Variants in LMBR1 observed in about 807,000 individuals in gnomAD.
LMBR1 encodes limb development membrane protein 1.
LMBR1 carries 52 observed loss-of-function variants against 73.9 expected under a neutral mutation model. The observed-to-expected ratio is 0.70, with a 90% CI of 0.56 to 0.89. The LOEUF is 0.89. Among genes scored for constraint, LMBR1 ranks in the 40% least tolerant of loss-of-function variants. The pLI, the probability that LMBR1 is intolerant of heterozygous loss-of-function variation, is 0.00. For missense variants in LMBR1, 539 were observed against 579.8 expected (o/e 0.93, Z 0.72); for synonymous variants, 215 against 209.4 (o/e 1.03, Z -0.23).
At position 156,669,897 on chromosome 7, in the gene LMBR1, G is replaced by A. The variant is rs867668568; in HGVS notation, n.867-610C>T. 7.9e-5 allele frequency among the ~76,000 whole-genome samples: 12 copies of A among 152,142 alleles called. No homozygotes were observed. Among genetic ancestry groups the A allele is most frequent in the South Asian group, 2.1e-4 (1 of 4,826 alleles). ...TGTTCCAGGTGACAGGAGGGCGGGC[G>A]GTCATGGCCTAGTGCCATGAAAATG... On this transcript the variant is annotated intron_variant and non_coding_transcript_variant, in intron 4 of 4. Coordinates refer to the LMBR1 transcript ENST00000430825. This position sits in a 1 kb window ranked among gnomAD's most constrained non-coding sequence, Gnocchi z 4.2.
At chr7:156,745,495 T>A (rs1405865014) in intron 9 of LMBR1, among the ~76,000 whole-genome samples, 1 of 152,198 alleles carries the variant, frequency 6.6e-6, no homozygotes, top group African/African-American at 2.4e-5. Context: ...AGGGACCAAC[T>A]GGCCAGAAAA....
chr7:156,797,361 G>A (rs1830224554), intron 4 of LMBR1, among the ~76,000 whole-genome samples: 1 of 152,176 alleles, frequency 6.6e-6, no homozygotes, highest in Non-Finnish European at 1.5e-5. Flanking sequence ...CAAAATGATG[G>A]TGATAATCAT....
At chr7:156,761,320 G>A (rs1355136298) in intron 8 of LMBR1, among the ~76,000 whole-genome samples, 1 of 152,130 alleles carries the variant, frequency 6.6e-6, no homozygotes, top group Non-Finnish European at 1.5e-5. Flanking sequence ...TGACAAAATA[G>A]AGACCAAAGA....
At chr7:156,734,114 C>T (rs1817394402) in intron 10 of LMBR1, 63 bp downstream of exon 10, 3 of 1,003,642 alleles carry the variant, frequency 3.0e-6, no homozygotes, top group Admixed American at 2.5e-5. Flanking sequence ...TTTCAGACTA[C>T]AGTAAAGTCT....
chr7:156,825,223 T>C (rs1175138271), intron 4 of LMBR1, among the ~76,000 whole-genome samples: 1 of 152,114 alleles, frequency 6.6e-6, no homozygotes, highest in Non-Finnish European at 1.5e-5. Flanking sequence ...TTCAAAAAAC[T>C]TTTACCTTAA....
Position 156,795,096 on chromosome 7 carries a change from G to A in LMBR1, c.423+1293C>T, listed in dbSNP as rs570375336. On this transcript the variant is annotated intron_variant, in intron 5 of 16. Transcript: ENST00000353442. ...CACCATTCTCCAGTATCTAAGTACC[G>A]GCCATTCCCTCAATACTGTCAGAGC... Among the ~76,000 whole-genome samples, 3 of 152,088 alleles carry A rather than the reference G, an allele frequency of 2.0e-5. No individual in the cohort carries two copies. In the East Asian group the frequency reaches 5.8e-4, roughly 29 times the overall value.
chr7:156,702,321 C>T lies in LMBR1; in HGVS notation c.1226-14130G>A, dbSNP rs1363732039. Among the ~76,000 whole-genome samples the T allele has an allele frequency of 9.2e-5, 14 of 152,328 alleles. No homozygotes were observed. The East Asian group carries it at 2.7e-3, about 29-fold the overall frequency. On this transcript the variant is annotated intron_variant, in intron 15 of 16. Transcript: ENST00000353442. ...GACTTTTTAATAATTGCCCTTCTGA[C>T]TGGCATGATATGGTATCTCATTGTG...
chr7:156,830,166 C>T (rs956044876), intron 3 of LMBR1, among the ~76,000 whole-genome samples: 6 of 152,152 alleles, frequency 3.9e-5, no homozygotes, highest in African/African-American at 1.4e-4. Flanking sequence ...CTACAATACT[C>T]CCTCTTCCTC....
chr7:156,836,089 G>A lies in LMBR1; in HGVS notation c.139+724C>T, dbSNP rs908513737. Among the ~76,000 whole-genome samples the A allele has an allele frequency of 1.3e-4, 20 of 152,180 alleles. 1 individual carries two copies. Among genetic ancestry groups the A allele is most frequent in the African/African-American group, 4.1e-4 (17 of 41,446 alleles). On this transcript the variant is annotated intron_variant, in intron 2 of 16. Transcript: ENST00000353442. ...AACAGTACTAAACTAATACACTAGAGCAGGCACTATAACCTATTTCTCTCA... is the reference window on the plus strand; with the variant it reads ...AACAGTACTAAACTAATACACTAGAACAGGCACTATAACCTATTTCTCTCA...
chr7:156,723,964 ATAAAG>A lies in LMBR1; in HGVS notation c.1225+143_1225+147del, dbSNP rs879511465. 3.8e-4 allele frequency: 219 copies of A among 579,700 alleles called. 1 individual carries two copies. Among genetic ancestry groups the A allele is most frequent in the Non-Finnish European group, 5.8e-4 (194 of 334,128 alleles). The allele number at this position is 579,700 out of a possible 1,614,324, so 35.9% of individuals were successfully genotyped here. Reference sequence around the variant, plus strand: ...TATTTGTCTTGGTATGCCCCTATACATAAAGTATAGAAGTAAAAGTGTAAAATAAT... The same window carrying A: ...TATTTGTCTTGGTATGCCCCTATACATATAGAAGTAAAAGTGTAAAATAAT... On this transcript the variant is annotated intron_variant, in intron 15 of 16. Coordinates refer to ENST00000353442, the MANE Select transcript of LMBR1 (RefSeq NM_022458.4).
chr7:156,705,281 G>C (rs187230844), intron 15 of LMBR1, among the ~76,000 whole-genome samples: 1 of 152,110 alleles, frequency 6.6e-6, no homozygotes, highest in East Asian at 1.9e-4. Flanking sequence ...CCTGCCCCTG[G>C]GCATAGTGGC....
At chr7:156,703,209 C>T (rs1810179555) in intron 15 of LMBR1, among the ~76,000 whole-genome samples, 2 of 152,226 alleles carry the variant, frequency 1.3e-5, no homozygotes, top group South Asian at 4.1e-4. Flanking sequence ...ATCTTAGCTG[C>T]TCAACAATGT....
chr7:156,773,737 C>T (rs565999338), intron 5 of LMBR1, among the ~76,000 whole-genome samples: 4 of 152,010 alleles, frequency 2.6e-5, no homozygotes, highest in Admixed American at 6.6e-5. Context: ...AACCTAAAAC[C>T]GTTAAAAACC....
intron 15 of LMBR1, among the ~76,000 whole-genome samples, chr7:156,706,888 C>CAA (rs555891047): frequency 1.5e-5 from 2 of 133,828 alleles, no homozygotes; most frequent in Non-Finnish European, 1.6e-5. Flanking sequence ...AGAGCAGAAC[C>CAA]AAAAAAAAAA....
At chr7:156,784,450 C>T (rs1418783000) in intron 5 of LMBR1, among the ~76,000 whole-genome samples, 1 of 152,144 alleles carries the variant, frequency 6.6e-6, no homozygotes, top group African/African-American at 2.4e-5. Context: ...TGAACTCTCA[C>T]ATCACCAGTA....
intron 5 of LMBR1, among the ~76,000 whole-genome samples, chr7:156,774,865 C>T (rs542484340): frequency 6.6e-6 from 1 of 152,100 alleles, no homozygotes; most frequent in Admixed American, 6.5e-5. Context: ...TCTTTTGCAG[C>T]AACATGGATG....
At chr7:156,880,118 A>G (rs1357179244) in intron 1 of LMBR1, among the ~76,000 whole-genome samples, 2 of 152,240 alleles carry the variant, frequency 1.3e-5, no homozygotes, top group East Asian at 3.8e-4. Flanking sequence ...TCAATTAACA[A>G]GTGGATATAG....
chr7:156,848,735 C>T (rs1795841482), intron 1 of LMBR1, among the ~76,000 whole-genome samples: 2 of 151,996 alleles, frequency 1.3e-5, no homozygotes, highest in Non-Finnish European at 2.9e-5. Context: ...AGTTCTAGAA[C>T]AACCTGGGAT....
chr7:156,892,780 G>C (rs1369371456), intron 1 of LMBR1, 148 bp downstream of exon 1: 1 of 439,132 alleles, frequency 2.3e-6, no homozygotes, highest in Non-Finnish European at 4.0e-6. Context: ...GGAGAGGAGG[G>C]GTGGGGAGGG....
Sources: allele counts gnomAD v4.1 joint callset (sites outside exome capture counted in the v4.1 genomes callset), GRCh38; gene constraint gnomAD v4.1.1; non-coding constraint Gnocchi (gnomAD v3.1); transcripts MANE v1.5; gene names NCBI Gene and HGNC (gene_info 2026-07-23, HGNC 2026-07-21).